POFUT3: variants seen among roughly 807,000 people sequenced by gnomAD.
POFUT3 encodes protein O-fucosyltransferase 3, also known as GDP-fucose protein O-fucosyltransferase 3.
chr8:33,348,170 CAAAAAAA>C, the POFUT3 span, among the ~76,000 whole-genome samples: 1 of 95,070 alleles, frequency 1.1e-5, no homozygotes, highest in Non-Finnish European at 2.3e-5. Context: ...GACTCTGCCT[CAAAAAAA>C]AAAAAAAAAA....
the POFUT3 span, among the ~76,000 whole-genome samples, chr8:33,434,290 G>T: frequency 6.6e-6 from 1 of 152,016 alleles, no homozygotes; most frequent in Non-Finnish European, 1.5e-5. Flanking sequence ...TTGCCCTGCA[G>T]CAGGTCCACA....
At chr8:33,319,269 T>C in the POFUT3 span, among the ~76,000 whole-genome samples, 5 of 77,778 alleles carry the variant, frequency 6.4e-5, no homozygotes, top group African/African-American at 2.8e-4. Flanking sequence ...TTTTATATAA[T>C]ATGTAAATAT....
At chr8:33,344,330 G>T in the POFUT3 span, among the ~76,000 whole-genome samples, 1 of 152,164 alleles carries the variant, frequency 6.6e-6, no homozygotes, top group Non-Finnish European at 1.5e-5. Flanking sequence ...TGGCTACTTT[G>T]GTTCTGTGCG....
the POFUT3 span, among the ~76,000 whole-genome samples, chr8:33,319,417 A>C: frequency 1.4e-5 from 1 of 71,790 alleles, no homozygotes; most frequent in Non-Finnish European, 2.3e-5. Context: ...TATTATATAA[A>C]TATATTATAT....
At chr8:33,335,386 T>C in the POFUT3 span, among the ~76,000 whole-genome samples, 3 of 152,200 alleles carry the variant, frequency 2.0e-5, no homozygotes, top group Non-Finnish European at 4.4e-5. Context: ...CTAATTAGCA[T>C]GGAATTTGGC....
At chr8:33,318,122 T>C in the POFUT3 span, among the ~76,000 whole-genome samples, 5 of 152,222 alleles carry the variant, frequency 3.3e-5, no homozygotes, top group African/African-American at 1.2e-4. Context: ...TATCTATGCA[T>C]TGGACCAGCT....
the POFUT3 span, among the ~76,000 whole-genome samples, chr8:33,467,253 A>T: frequency 8.1e-6 from 1 of 124,122 alleles, no homozygotes; most frequent in African/African-American, 3.2e-5. Flanking sequence ...AGCCTGGGCG[A>T]CGGAGCGAGA....
At chr8:33,341,108 G>T in the POFUT3 span, among the ~76,000 whole-genome samples, 1 of 152,014 alleles carries the variant, frequency 6.6e-6, no homozygotes. Flanking sequence ...GACCACAATG[G>T]AATCAAACTG....
chr8:33,366,655 G>A, the POFUT3 span, among the ~76,000 whole-genome samples: 1 of 152,124 alleles, frequency 6.6e-6, no homozygotes, highest in African/African-American at 2.4e-5. Context: ...TCAATGTGGT[G>A]GATATTCGTT....
chr8:33,446,930 T>C, the POFUT3 span, among the ~76,000 whole-genome samples: 4 of 152,192 alleles, frequency 2.6e-5, no homozygotes, highest in South Asian at 8.3e-4. Context: ...TGCCTCTCTT[T>C]TTAATTACAC....
At chr8:33,309,567 C>T in the POFUT3 span, among the ~76,000 whole-genome samples, 2 of 152,160 alleles carry the variant, frequency 1.3e-5, no homozygotes, top group East Asian at 3.9e-4. Context: ...TGACAGCAGG[C>T]ATTTAGATTT....
chr8:33,416,707 G>A, the POFUT3 span, among the ~76,000 whole-genome samples: 1 of 151,878 alleles, frequency 6.6e-6, no homozygotes, highest in Admixed American at 6.6e-5. Context: ...TTAGCTGGGT[G>A]TGGTGCCGCA....
chr8:33,337,621 T>C, the POFUT3 span, among the ~76,000 whole-genome samples: 3 of 145,232 alleles, frequency 2.1e-5, no homozygotes, highest in Non-Finnish European at 1.5e-5. Flanking sequence ...GAGGGGACAT[T>C]ACTACCAATT....
the POFUT3 span, among the ~76,000 whole-genome samples, chr8:33,446,184 C>A: frequency 6.6e-6 from 1 of 152,006 alleles, no homozygotes; most frequent in Admixed American, 6.6e-5. Flanking sequence ...TGGCCAGGTG[C>A]GGTAGCTCAT....
the POFUT3 span, among the ~76,000 whole-genome samples, chr8:33,444,426 C>A: frequency 6.6e-6 from 1 of 152,066 alleles, no homozygotes; most frequent in Non-Finnish European, 1.5e-5. Context: ...TGTGTGCTCG[C>A]AGGCTACCAT....
At chr8:33,423,362 G>A in the POFUT3 span, among the ~76,000 whole-genome samples, 17 of 151,962 alleles carry the variant, frequency 1.1e-4, no homozygotes, top group African/African-American at 4.1e-4. Context: ...TTGACCTCCT[G>A]GGCTCAAGTG....
the POFUT3 span, among the ~76,000 whole-genome samples, chr8:33,447,445 T>C: frequency 1.0e-5 from 1 of 97,400 alleles, no homozygotes; most frequent in Middle Eastern, 4.7e-3. Context: ...CAAGACTCCA[T>C]CTCAAAGGAA....
chr8:33,372,500 A>G, the POFUT3 span: 1 of 1,514,240 alleles, frequency 6.6e-7, no homozygotes, highest in Non-Finnish European at 8.8e-7. Context: ...AATAGCTATT[A>G]TGTTCAAATA....
At chr8:33,410,426 G>A in the POFUT3 span, among the ~76,000 whole-genome samples, 5 of 152,152 alleles carry the variant, frequency 3.3e-5, no homozygotes, top group Non-Finnish European at 5.9e-5. Context: ...GTGTCGCCGG[G>A]CAGCCCCGAG....
Sources: allele counts gnomAD v4.1 joint callset (sites outside exome capture counted in the v4.1 genomes callset), GRCh38; gene constraint gnomAD v4.1.1; transcripts MANE v1.5; gene names NCBI Gene and HGNC (gene_info 2026-07-23, HGNC 2026-07-21).